The following ELAVL4 variants were observed in gnomAD, a reference collection of about 807,000 sequenced individuals.
ELAVL4 encodes the protein ELAV-like protein 4.
A neutral mutation model predicts 35.6 loss-of-function variants in ELAVL4; 1 was observed. The ratio of observed to expected loss-of-function variants is 0.03; its 90% CI spans 0.01 to 0.13. The LOEUF is 0.13. Ranked by LOEUF, ELAVL4 falls within the 10% of genes least tolerant of loss-of-function variation. The probability of loss-of-function intolerance (pLI) is 1.00; values close to 1 mark genes in which losing one functional copy is unlikely to be tolerated. For missense variants in ELAVL4, 267 were observed against 464.9 expected (o/e 0.57, Z 3.91); for synonymous variants, 156 against 171.0 (o/e 0.91, Z 0.69).
chr1:50,184,170 G>A (rs1208537684), intron 3 of ELAVL4, among the ~76,000 whole-genome samples: 2 of 152,174 alleles, frequency 1.3e-5, no homozygotes, highest in Non-Finnish European at 2.9e-5. Flanking sequence ...ACAAGGATAG[G>A]AGTTGGAGAA....
chr1:50,109,677 G>A, intron 1 of ELAVL4: 2 of 506,918 alleles, frequency 3.9e-6, no homozygotes, highest in Non-Finnish European at 7.2e-6. Flanking sequence ...GGGCAGTTGT[G>A]TTTCGGGGGA....
At chr1:50,089,710 G>A (rs1479790312) in intron 1 of ELAVL4, among the ~76,000 whole-genome samples, 1 of 152,192 alleles carries the variant, frequency 6.6e-6, no homozygotes, top group Non-Finnish European at 1.5e-5. Context: ...AGCCATGATT[G>A]CACCACTGCA....
At chr1:50,136,706 A>G (rs977159051) in intron 1 of ELAVL4, among the ~76,000 whole-genome samples, 11 of 152,172 alleles carry the variant, frequency 7.2e-5, no homozygotes, top group African/African-American at 2.7e-4. Flanking sequence ...TGACTTTTAA[A>G]GGTAGCTGAA....
intron 3 of ELAVL4, among the ~76,000 whole-genome samples, chr1:50,186,253 C>T (rs557561981): frequency 9.9e-5 from 15 of 152,248 alleles, no homozygotes; most frequent in Admixed American, 4.6e-4. Flanking sequence ...AGCTAAAATC[C>T]GCGGCATAAA....
intron 5 of ELAVL4, among the ~76,000 whole-genome samples, chr1:50,197,168 G>A (rs1005955939): frequency 6.8e-6 from 1 of 146,016 alleles, no homozygotes; most frequent in South Asian, 2.1e-4. Flanking sequence ...TCTGAGAGGT[G>A]GGGGGAATGG....
chr1:50,203,018 T>C lies in ELAVL4; in HGVS notation c.*1840T>C, dbSNP rs1410720127. ...TTAGTATGTTTGTGCTTTGTACGGT[T>C]ATATATTTAAAACGAAAACAAAACA... On this transcript the variant is annotated 3_prime_UTR_variant, in exon 7 of 7. Transcript: ENST00000371824. 8 of 152,200 alleles carry C rather than the reference T, an allele frequency of 5.3e-5. No homozygotes were observed. The highest frequency in any genetic ancestry group is 1.9e-4 in the African/African-American group (8 of 41,452). The allele number at this position is 152,200 out of a possible 1,614,324, so 9.4% of individuals were successfully genotyped here. A position where few individuals can be genotyped will look rare whatever the true frequency, so the allele number is the denominator to read the frequency against.
chr1:50,121,003 T>C (rs1479137236), intron 1 of ELAVL4, among the ~76,000 whole-genome samples: 1 of 152,098 alleles, frequency 6.6e-6, no homozygotes, highest in African/African-American at 2.4e-5. Context: ...CTGTTAGCCC[T>C]GGAGGGCATA....
rs1034478404 is a variant in ELAVL4 at position 50,201,474 on chromosome 1, G to A, written c.*296G>A. 1.7e-5 allele frequency: 3 copies of A among 171,756 alleles called. No homozygotes were observed. Among genetic ancestry groups the A allele is most frequent in the Non-Finnish European group, 2.4e-5 (2 of 81,936 alleles). The allele number at this position is 171,756 out of a possible 1,614,324, so 10.6% of individuals were successfully genotyped here. A position where few individuals can be genotyped will look rare whatever the true frequency, so the allele number is the denominator to read the frequency against. On this transcript the variant is annotated 3_prime_UTR_variant, in exon 7 of 7. Coordinates refer to ENST00000371824, the MANE Select transcript of ELAVL4 (RefSeq NM_001144774.3). This position sits in a 1 kb window ranked among gnomAD's most constrained non-coding sequence, Gnocchi z 4.3. ...GTTGAATATAATATACATAGATAGC[G>A]ATGTGCAGGGATTTTTACCCAGCCA...
intron 1 of ELAVL4, among the ~76,000 whole-genome samples, chr1:50,133,193 A>C (rs1254672674): frequency 6.6e-6 from 1 of 152,112 alleles, no homozygotes; most frequent in Non-Finnish European, 1.5e-5. Context: ...TTCTTTTCTG[A>C]GTTTCAGAAT....
chr1:50,132,422 G>T (rs1244484718), intron 1 of ELAVL4, among the ~76,000 whole-genome samples: 1 of 152,188 alleles, frequency 6.6e-6, no homozygotes, highest in Non-Finnish European at 1.5e-5. Context: ...TAATATCAGA[G>T]TTTGTCAGCA....
At chr1:50,098,183 A>G (rs1665797460) in intron 1 of ELAVL4, among the ~76,000 whole-genome samples, 1 of 152,226 alleles carries the variant, frequency 6.6e-6, no homozygotes, top group African/African-American at 2.4e-5. Flanking sequence ...TTTATGGATA[A>G]TGAAGTGGGC....
chr1:50,159,089 T>G (rs1676286778), intron 2 of ELAVL4, among the ~76,000 whole-genome samples: 1 of 151,962 alleles, frequency 6.6e-6, no homozygotes, highest in Non-Finnish European at 1.5e-5. Context: ...GGTCTTATTT[T>G]CAACTGGCAG....
chr1:50,166,036 C>T (rs1010039621), intron 2 of ELAVL4, among the ~76,000 whole-genome samples: 3 of 151,930 alleles, frequency 2.0e-5, no homozygotes, highest in Non-Finnish European at 4.4e-5. Context: ...CTCCTTTTCA[C>T]GTTTTTCTGC....
rs1420086116 is a variant in ELAVL4 at position 50,179,897 on chromosome 1, T to A, written c.354+2705T>A. 2.0e-5 allele frequency: 3 copies of A among 152,202 alleles called. No homozygotes were observed. In the East Asian group the frequency reaches 5.8e-4, roughly 29 times the overall value. The allele number at this position is 152,202 out of a possible 1,614,324, so 9.4% of individuals were successfully genotyped here. Reference sequence around the variant, plus strand: ...TCTAAGGCATCGGTGGAGACTGTAGTGAGCTGTAAAGAAGACAGCTATTCT... The same window carrying A: ...TCTAAGGCATCGGTGGAGACTGTAGAGAGCTGTAAAGAAGACAGCTATTCT... On this transcript the variant is annotated intron_variant, in intron 3 of 6. Coordinates refer to ENST00000371824, the MANE Select transcript of ELAVL4 (RefSeq NM_001144774.3).
chr1:50,173,685 C>G (rs1679447633), intron 2 of ELAVL4, among the ~76,000 whole-genome samples: 1 of 152,116 alleles, frequency 6.6e-6, no homozygotes, highest in African/African-American at 2.4e-5. Flanking sequence ...TTGATGATTT[C>G]CTTTTTATTT....
At chr1:50,151,916 A>G (rs895301732) in intron 2 of ELAVL4, among the ~76,000 whole-genome samples, 6 of 152,178 alleles carry the variant, frequency 3.9e-5, no homozygotes, top group Admixed American at 2.0e-4. Flanking sequence ...AAACAGGAGA[A>G]TTGGAGTCTG....
intron 1 of ELAVL4, among the ~76,000 whole-genome samples, chr1:50,133,599 A>AAAAGAAAGAAAAGAAAGAAAGAAAG (rs1671264649): frequency 1.5e-5 from 2 of 129,178 alleles, no homozygotes; most frequent in Non-Finnish European, 3.3e-5. Context: ...AGAAAGAAAG[A>AAAAGAAAGAAAAGAAAGAAAGAAAG]AAAGAAAGAA....
At chr1:50,079,844 T>C (rs1224338117) in intron 1 of ELAVL4, among the ~76,000 whole-genome samples, 1 of 152,206 alleles carries the variant, frequency 6.6e-6, no homozygotes, top group East Asian at 1.9e-4. Flanking sequence ...TGATTCTGTG[T>C]TTTTAGAGCA....
chr1:50,132,017 A>G (rs1168335976), intron 1 of ELAVL4, among the ~76,000 whole-genome samples: 1 of 152,094 alleles, frequency 6.6e-6, no homozygotes, highest in African/African-American at 2.4e-5. Context: ...GACAGAGAAT[A>G]TTAGTGGTTT....
Sources: gnomAD v4.1 joint callset for allele counts (sites outside exome capture counted in the v4.1 genomes callset) on GRCh38, gnomAD v4.1.1 for gene constraint, Gnocchi (gnomAD v3.1) non-coding constraint, MANE v1.5 for transcripts, NCBI Gene and HGNC (gene_info 2026-07-23, HGNC 2026-07-21) for gene names.